The following ARHGAP17 variants were observed in gnomAD, a reference collection of about 807,000 sequenced individuals.
ARHGAP17 encodes Rho GTPase activating protein 17.
A neutral mutation model predicts 99.5 loss-of-function variants in ARHGAP17; 57 were observed. The observed-to-expected ratio is 0.57, with a 90% CI of 0.46 to 0.71. The LOEUF (loss-of-function observed/expected upper bound fraction) is 0.71. ARHGAP17 is among the 30% of genes least tolerant of loss of function. The probability of loss-of-function intolerance (pLI) is 0.00; values close to 1 mark genes in which losing one functional copy is unlikely to be tolerated. For synonymous variants in ARHGAP17, 417 were observed against 429.6 expected (o/e 0.97, Z 0.36); for missense variants, 1,000 against 1,122.4 (o/e 0.89, Z 1.56).
chr16:24,935,740 C>T (rs767838318), intron 17 of ARHGAP17, 101 bp from the exon 18 acceptor site: 36 of 1,284,238 alleles, frequency 2.8e-5, no homozygotes, highest in African/African-American at 1.2e-4. Flanking sequence ...GTTTTCACTT[C>T]GGCAGGCAGG....
chr16:24,954,885 A>G lies in ARHGAP17; in HGVS notation c.725-155T>C. 5.4e-6 allele frequency: 6 copies of G among 1,110,120 alleles called. No homozygotes were observed. The South Asian group carries it at 8.0e-5, about 15-fold the overall frequency. 68.8% of individuals were successfully genotyped at this position (1,110,120 alleles called of 1,614,324 possible). A position where few individuals can be genotyped will look rare whatever the true frequency, so the allele number is the denominator to read the frequency against. ...GTTCTATTTGCTTTTGTTATTTGCC[A>G]TCTACTGGAGCAGCAAACTATGGAC... On this transcript the variant is annotated intron_variant, in intron 9 of 19. Transcript: ENST00000289968.
chr16:24,985,902 C>T (rs771943177), intron 1 of ARHGAP17, among the ~76,000 whole-genome samples: 97 of 152,232 alleles, frequency 6.4e-4, no homozygotes, highest in African/African-American at 1.9e-3. Context: ...CATTTTTACA[C>T]GTCAGAATAC....
chr16:24,995,888 C>CT (rs957305201), intron 1 of ARHGAP17, among the ~76,000 whole-genome samples: 23 of 152,156 alleles, frequency 1.5e-4, no homozygotes, highest in Admixed American at 1.0e-3. Flanking sequence ...TATAGACCAA[C>CT]TTTTTCTTCT....
intron 13 of ARHGAP17, 63 bp from the exon 14 acceptor site, chr16:24,947,658 C>T: frequency 7.1e-7 from 1 of 1,416,198 alleles, no homozygotes; most frequent in Non-Finnish European, 9.9e-7. Flanking sequence ...TGTTCTCTTC[C>T]TGCCTGGGTG....
chr16:24,947,586 G>T lies in ARHGAP17; in HGVS notation c.1137C>A (p.Ile379=), dbSNP rs186648066. Residue 379 remains isoleucine, a synonymous_variant, in exon 14 of 20, where the codon ATC becomes ATA. Coordinates refer to ENST00000289968, the MANE Select transcript of ARHGAP17 (RefSeq NM_001006634.3). ...PQNFVNFRYL[I]KFLAKLAQTS... ...TCTGAGCAAGCTTTGCAAGGAACTTGATCAAATATCTAGGGGTCAAAAGAG... is the reference window on the plus strand; with the variant it reads ...TCTGAGCAAGCTTTGCAAGGAACTTTATCAAATATCTAGGGGTCAAAAGAG... The T allele has an allele frequency of 6.8e-6, 11 of 1,610,678 alleles. No homozygotes were observed. The Middle Eastern group carries it at 5.0e-4, about 72-fold the overall frequency.
intron 19 of ARHGAP17, among the ~76,000 whole-genome samples, chr16:24,922,542 C>T (rs180701955): frequency 6.6e-6 from 1 of 152,194 alleles, no homozygotes; most frequent in East Asian, 1.9e-4. Context: ...TCCCCAGCCC[C>T]TCTCTATTCC....
chr16:24,956,217 G>A (rs1597401809), intron 9 of ARHGAP17: 3 of 152,398 alleles, frequency 2.0e-5, no homozygotes, highest in Admixed American at 2.0e-4. Flanking sequence ...ATGCTAAGGG[G>A]CGGGCATGCT....
intron 19 of ARHGAP17, among the ~76,000 whole-genome samples, chr16:24,921,766 C>T (rs1302059063): frequency 1.3e-5 from 2 of 152,168 alleles, no homozygotes; most frequent in African/African-American, 4.8e-5. Flanking sequence ...TCAAAGAGTT[C>T]AGGTGCTGAA....
chr16:24,954,799 A>G (rs112728433), intron 9 of ARHGAP17, 69 bp from the exon 10 acceptor site: 37 of 1,588,824 alleles, frequency 2.3e-5, no homozygotes, highest in Middle Eastern at 1.7e-4. Flanking sequence ...TTTCTCCCCA[A>G]CTACCCAATG....
At chr16:24,978,854 T>C in intron 2 of ARHGAP17, 112 bp downstream of exon 2, 1 of 735,218 alleles carries the variant, frequency 1.4e-6, no homozygotes, top group Non-Finnish European at 2.1e-6. Flanking sequence ...TTAATTTTAT[T>C]CTGTTTCTGG....
chr16:24,990,817 G>C (rs1347007135), intron 1 of ARHGAP17, among the ~76,000 whole-genome samples: 1 of 143,452 alleles, frequency 7.0e-6, no homozygotes, highest in East Asian at 2.1e-4. Context: ...CAAGCAAAGA[G>C]AACACTGAGA....
At chr16:25,006,295 A>G (rs907725970) in intron 1 of ARHGAP17, among the ~76,000 whole-genome samples, 4 of 151,732 alleles carry the variant, frequency 2.6e-5, no homozygotes, top group Non-Finnish European at 5.9e-5. Context: ...TAAAAAAAAA[A>G]AAAAATTAGC....
intron 3 of ARHGAP17, among the ~76,000 whole-genome samples, chr16:24,976,779 A>C (rs1343555829): frequency 1.3e-5 from 2 of 152,128 alleles, no homozygotes; most frequent in Non-Finnish European, 2.9e-5. Context: ...CAGGAGAGAG[A>C]AGGAAAGAAA....
At position 25,010,957 on chromosome 16, in the gene ARHGAP17, A is replaced by C. The variant is rs2053629009; in HGVS notation, c.53+4252T>G. ...GGAAACTTCAGTCAGGGAAGAAATC[A>C]ACACCCAAGGAGACACTCCCTATCA... is the stretch of plus-strand genomic sequence containing the variant. On this transcript the variant is annotated intron_variant, in intron 1 of 19. Coordinates refer to ENST00000289968, the MANE Select transcript of ARHGAP17 (RefSeq NM_001006634.3). Among the ~76,000 whole-genome samples, 3 of 152,248 alleles carry C rather than the reference A, an allele frequency of 2.0e-5. No individual in the cohort carries two copies. In the South Asian group the frequency reaches 6.2e-4, roughly 32 times the overall value.
intron 7 of ARHGAP17, among the ~76,000 whole-genome samples, chr16:24,960,844 G>A (rs1163845781): frequency 6.6e-6 from 1 of 151,516 alleles, no homozygotes; most frequent in Non-Finnish European, 1.5e-5. Context: ...CAGGGGGTGG[G>A]TGGAAGGGTA....
intron 1 of ARHGAP17, among the ~76,000 whole-genome samples, chr16:24,993,588 C>CAA (rs74798570): frequency 5.3e-5 from 6 of 113,622 alleles, no homozygotes; most frequent in African/African-American, 6.5e-5. Context: ...GACTCTGTCT[C>CAA]AAAAAAAAAA....
At chr16:24,941,149 TA>T (rs1193207097) in intron 16 of ARHGAP17, among the ~76,000 whole-genome samples, 1 of 152,132 alleles carries the variant, frequency 6.6e-6, no homozygotes, top group African/African-American at 2.4e-5. Context: ...AAAAATGCAA[TA>T]CAAAGAACAA....
At chr16:24,943,994 C>A in intron 14 of ARHGAP17, 132 bp from the exon 15 acceptor site, 1 of 844,018 alleles carries the variant, frequency 1.2e-6, no homozygotes, top group Non-Finnish European at 1.9e-6. Context: ...AATCACTGGC[C>A]GGGTGTGGTG....
intron 7 of ARHGAP17, among the ~76,000 whole-genome samples, chr16:24,961,818 G>C (rs1221305855): frequency 6.6e-6 from 1 of 150,480 alleles, no homozygotes; most frequent in Admixed American, 6.6e-5. Context: ...ACAGATGTGA[G>C]CCACTGCACC....
Sources: gnomAD v4.1 joint callset for allele counts (sites outside exome capture counted in the v4.1 genomes callset) on GRCh38, gnomAD v4.1.1 for gene constraint, MANE v1.5 for transcripts, NCBI Gene and HGNC (gene_info 2026-07-23, HGNC 2026-07-21) for gene names.